RAB27A: variants seen among roughly 807,000 people sequenced by gnomAD.
RAB27A encodes the protein RAB27A, member RAS oncogene family, also known as ras-related protein Rab-27A.
RAB27A carries 17 observed loss-of-function variants against 20.8 expected under a neutral mutation model. The ratio of observed to expected loss-of-function variants is 0.82; its 90% confidence interval spans 0.56 to 1.23. The LOEUF (loss-of-function observed/expected upper bound fraction) is 1.23, where lower values mean the gene tolerates loss of function less well. RAB27A is among the 50% of genes most tolerant of loss of function. The pLI is 0.00. For synonymous variants in RAB27A, 85 were observed against 92.8 expected (o/e 0.92, Z 0.48); for missense variants, 277 against 266.7 (o/e 1.04, Z -0.27).
At position 55,205,517 on chromosome 15, in the gene RAB27A, C is replaced by T. The variant is rs771235265; in HGVS notation, c.656G>A (p.Cys219Tyr). 2 of 1,614,190 alleles carry T rather than the reference C, an allele frequency of 1.2e-6. No individual in the cohort carries two copies. Among genetic ancestry groups the T allele is most frequent in the Non-Finnish European group, 1.7e-6 (2 of 1,180,018 alleles). Residue 219 changes from cysteine (C) to tyrosine (Y), a missense_variant, in exon 7 of 7, where the codon TGT (cysteine) becomes TAT (tyrosine). Transcript: ENST00000336787. The stretch of plus-strand genomic sequence containing the variant: ...CGCTTACTTGACTTCTCAACAGCCA[C>T]ATGCCCCTTTCTCCTTTTCTTCACT... The part of the protein sequence containing the change: ...QLSEEKEKGA[C>Y]GC
chr15:55,237,383 A>G (rs1391844159), intron 2 of RAB27A: 1 of 152,204 alleles, frequency 6.6e-6, no homozygotes, highest in Non-Finnish European at 1.5e-5. Context: ...AGAGTGCTTC[A>G]GTGCAGATCT....
At chr15:55,303,180 G>A (rs2054981387) in intron 2 of RAB27A, among the ~76,000 whole-genome samples, 1 of 105,664 alleles carries the variant, frequency 9.5e-6, no homozygotes, top group Admixed American at 8.4e-5. Context: ...GGGAGGTGAG[G>A]GGCGCCTCTG....
At chr15:55,247,570 G>C (rs1896736626) in intron 2 of RAB27A, among the ~76,000 whole-genome samples, 1 of 152,082 alleles carries the variant, frequency 6.6e-6, no homozygotes. Flanking sequence ...ACTTCCTCAA[G>C]TTTTCTGTTT....
intron 2 of RAB27A, among the ~76,000 whole-genome samples, chr15:55,265,753 G>T (rs180800775): frequency 1.3e-5 from 2 of 152,154 alleles, no homozygotes; most frequent in Non-Finnish European, 2.9e-5. Context: ...AGAGGCTAAG[G>T]TTACTTAGGA....
At chr15:55,236,295 T>A (rs1896254069) in intron 2 of RAB27A, among the ~76,000 whole-genome samples, 1 of 152,184 alleles carries the variant, frequency 6.6e-6, no homozygotes, top group East Asian at 1.9e-4. Flanking sequence ...TCAAAGACAC[T>A]GTTATTTCAC....
At position 55,254,202 on chromosome 15, in the gene RAB27A, C is replaced by A. The variant is rs187757871; in HGVS notation, c.-23+15963G>T. ...AGGTTTGTAAGTTGAGTTTTGACCTCGAGAAATACCTTCCTATTTTTTAAA... is the reference window on the plus strand; with the variant it reads ...AGGTTTGTAAGTTGAGTTTTGACCTAGAGAAATACCTTCCTATTTTTTAAA... On this transcript the variant is annotated intron_variant, in intron 2 of 6. Coordinates refer to ENST00000336787, the MANE Select transcript of RAB27A (RefSeq NM_183235.3). Among the ~76,000 whole-genome samples, 356 of 152,210 alleles carry A rather than the reference C, an allele frequency of 2.3e-3. 4 individuals are homozygous for A. The highest frequency in any genetic ancestry group is 8.2e-3 in the African/African-American group (341 of 41,534).
At chr15:55,229,514 A>G (rs1895948450) in intron 4 of RAB27A, among the ~76,000 whole-genome samples, 1 of 152,114 alleles carries the variant, frequency 6.6e-6, no homozygotes, top group Non-Finnish European at 1.5e-5. Context: ...CAACTCTACT[A>G]AAAATACAAA....
chr15:55,272,380 CA>C (rs1241010479), intron 1 of RAB27A, among the ~76,000 whole-genome samples: 2 of 152,078 alleles, frequency 1.3e-5, no homozygotes, highest in Non-Finnish European at 2.9e-5. Context: ...GCTTGGGTGA[CA>C]GAGTGAGACT....
chr15:55,258,458 C>T (rs569837639), intron 2 of RAB27A, among the ~76,000 whole-genome samples: 19 of 152,288 alleles, frequency 1.2e-4, no homozygotes, highest in African/African-American at 4.6e-4. Flanking sequence ...AGGCCCTGTC[C>T]AGCCACCCTG....
intron 3 of RAB27A, among the ~76,000 whole-genome samples, chr15:55,231,024 C>T (rs937801121): frequency 7.2e-5 from 11 of 152,104 alleles, no homozygotes; most frequent in Admixed American, 6.6e-4. Flanking sequence ...TATGTCCATG[C>T]GTACCCATTG....
chr15:55,316,053 GA>G (rs1418339506), intron 1 of RAB27A, among the ~76,000 whole-genome samples: 1 of 152,078 alleles, frequency 6.6e-6, no homozygotes, highest in South Asian at 2.1e-4. Flanking sequence ...CCAAAATGGT[GA>G]AACCCCATCT....
chr15:55,310,779 T>C (rs898138090), intron 2 of RAB27A, among the ~76,000 whole-genome samples: 2 of 152,224 alleles, frequency 1.3e-5, no homozygotes, highest in Non-Finnish European at 2.9e-5. Flanking sequence ...TTGAAGTTTC[T>C]TTCTAATGTC....
chr15:55,315,648 A>T (rs2055039926), intron 1 of RAB27A, among the ~76,000 whole-genome samples: 1 of 152,232 alleles, frequency 6.6e-6, no homozygotes, highest in African/African-American at 2.4e-5. Flanking sequence ...CAAACTTATG[A>T]AAAAAAGCTC....
chr15:55,235,358 G>A (rs1211754594), intron 2 of RAB27A, among the ~76,000 whole-genome samples: 1 of 152,092 alleles, frequency 6.6e-6, no homozygotes, highest in African/African-American at 2.4e-5. Flanking sequence ...TGAGGCAGGA[G>A]AATCACTTGA....
chr15:55,281,584 C>T (rs1339973956), intron 1 of RAB27A, among the ~76,000 whole-genome samples: 2 of 152,016 alleles, frequency 1.3e-5, no homozygotes, highest in Non-Finnish European at 2.9e-5. Context: ...TGGTGACATG[C>T]TCCTGTGGTC....
At chr15:55,241,607 T>C (rs1194430979) in intron 2 of RAB27A, among the ~76,000 whole-genome samples, 2 of 132,448 alleles carry the variant, frequency 1.5e-5, no homozygotes, top group East Asian at 4.0e-4. Context: ...TATTTATATA[T>C]ATATATATAT....
In RAB27A at chr15:55,313,440, T is replaced by C. The variant is rs551715291; in HGVS notation, c.-112+599A>G. 2.6e-5 allele frequency among the ~76,000 whole-genome samples: 4 copies of C among 152,294 alleles called. No individual in the cohort carries two copies. In the South Asian group the frequency reaches 6.2e-4, roughly 24 times the overall value. On this transcript the variant is annotated intron_variant, in intron 2 of 5. Coordinates refer to the RAB27A transcript ENST00000563262. ...ACACAAAGAAAACCTCAAAAGATCA[T>C]ACTAAATTGTTAAAGGTACTGAATA...
At chr15:55,238,289 G>A (rs994142197) in intron 2 of RAB27A, 3 of 152,044 alleles carry the variant, frequency 2.0e-5, no homozygotes, top group Non-Finnish European at 2.9e-5. Context: ...CAAGTCCAAT[G>A]CCTATTCTAC....
At chr15:55,304,827 G>A (rs560198340) in intron 2 of RAB27A, among the ~76,000 whole-genome samples, 1 of 148,370 alleles carries the variant, frequency 6.7e-6, no homozygotes, top group African/African-American at 2.4e-5. Context: ...CAGCTTTAGT[G>A]TGAACATATA....
Sources: gnomAD v4.1 joint callset for allele counts (sites outside exome capture counted in the v4.1 genomes callset) on GRCh38, gnomAD v4.1.1 for gene constraint, MANE v1.5 for transcripts, NCBI Gene and HGNC (gene_info 2026-07-23, HGNC 2026-07-21) for gene names.